ARHGEF4: variants seen among roughly 807,000 people sequenced by gnomAD.
ARHGEF4 encodes the protein Rho guanine nucleotide exchange factor 4.
ARHGEF4 carries 119 observed loss-of-function variants against 162.0 expected under a neutral mutation model. That is an observed-to-expected ratio of 0.73 (90% CI 0.63 to 0.86). The LOEUF is 0.86. Among genes scored for constraint, ARHGEF4 ranks in the 40% least tolerant of loss-of-function variants. The probability of loss-of-function intolerance (pLI) is 0.00; values close to 1 mark genes in which losing one functional copy is unlikely to be tolerated. For synonymous variants in ARHGEF4, 1,014 were observed against 979.9 expected (o/e 1.03, Z -0.65); for missense variants, 2,488 against 2,456.0 (o/e 1.01, Z -0.28).
At chr2:131,003,358 T>G (rs1228812197) in intron 4 of ARHGEF4, among the ~76,000 whole-genome samples, 1 of 152,246 alleles carries the variant, frequency 6.6e-6, no homozygotes, top group African/African-American at 2.4e-5. Context: ...TCCTGGCACA[T>G]GATGACCACT....
rs575881583 is a variant in ARHGEF4, at chr2:130,998,516, G to A, written c.3986-29429G>A. Among the ~76,000 whole-genome samples the A allele has an allele frequency of 1.6e-3, 249 of 152,180 alleles. 3 individuals are homozygous for A. Among genetic ancestry groups the A allele is most frequent in the South Asian group, 7.7e-3 (37 of 4,828 alleles). ...CCACTGATAATTTTTTCCCTTCTTCGTGGTTTTGCCTCTTCTGTAATGTCA... is the reference window on the plus strand; with the variant it reads ...CCACTGATAATTTTTTCCCTTCTTCATGGTTTTGCCTCTTCTGTAATGTCA... On this transcript the variant is annotated intron_variant, in intron 4 of 13. Transcript: ENST00000409359.
At chr2:130,932,008 C>A (rs1416663392) in intron 3 of ARHGEF4, among the ~76,000 whole-genome samples, 1 of 152,152 alleles carries the variant, frequency 6.6e-6, no homozygotes, top group African/African-American at 2.4e-5. Flanking sequence ...GCGACCACCA[C>A]CTCTGTCCAG....
At chr2:130,909,137 G>C (rs770554682) in intron 1 of ARHGEF4, among the ~76,000 whole-genome samples, 4 of 152,154 alleles carry the variant, frequency 2.6e-5, no homozygotes, top group Non-Finnish European at 5.9e-5. Context: ...CCTACCCTGT[G>C]TATCTGATAC....
rs144874753 is a variant in ARHGEF4, at chr2:130,848,537, G to C, written c.39+11545G>C. Among the ~76,000 whole-genome samples the C allele has an allele frequency of 3.8e-4, 58 of 152,288 alleles. No homozygotes were observed. In the East Asian group the frequency reaches 9.5e-3, roughly 25 times the overall value. Reference sequence around the variant, plus strand: ...GAAGCCCTCCCCACATGGGTGTGCAGGCACCTCCTGCGTGGCATTCCCAGG... The same window carrying C: ...GAAGCCCTCCCCACATGGGTGTGCACGCACCTCCTGCGTGGCATTCCCAGG... On this transcript the variant is annotated intron_variant, in intron 1 of 13. Transcript: ENST00000409359.
intron 13 of ARHGEF4, chr2:131,045,664 C>T: frequency 6.7e-7 from 1 of 1,499,360 alleles, no homozygotes; most frequent in Non-Finnish European, 8.9e-7. Flanking sequence ...CACCTTGGCT[C>T]CCCCAGATCA....
chr2:130,926,461 T>C (rs1462933484), intron 2 of ARHGEF4, among the ~76,000 whole-genome samples: 1 of 152,148 alleles, frequency 6.6e-6, no homozygotes, highest in Non-Finnish European at 1.5e-5. Flanking sequence ...GATTAATGAG[T>C]TTCTATTTTA....
rs1243821506 is a variant in ARHGEF4 at position 130,946,499 on chromosome 2, C to T, written c.3859-10C>T. ...TTCATTTGCCCTCTGTCTCTTTCCT[C>T]CTCTTCCAGTGCTGGAGAAAGACGA... is the stretch of plus-strand genomic sequence containing the variant. On this transcript the variant is annotated splice_polypyrimidine_tract_variant and intron_variant, in intron 3 of 13. Transcript: ENST00000409359. The T allele has an allele frequency of 3.7e-6, 6 of 1,604,626 alleles. No individual in the cohort carries two copies. The East Asian group carries it at 6.7e-5, about 18-fold the overall frequency.
At chr2:131,030,060 C>G (rs1210870782) in intron 5 of ARHGEF4, among the ~76,000 whole-genome samples, 1 of 152,226 alleles carries the variant, frequency 6.6e-6, no homozygotes, top group East Asian at 1.9e-4. Context: ...AGGGTGAGCT[C>G]TCAGTACATC....
At chr2:130,977,033 ATGGTGTGTGTGT>A (rs1215889571) in intron 4 of ARHGEF4, among the ~76,000 whole-genome samples, 1 of 146,458 alleles carries the variant, frequency 6.8e-6, no homozygotes, top group African/African-American at 2.6e-5. Flanking sequence ...TTAAGTGTGA[ATGGTGTGTGTGT>A]TGGTGTGTGG....
intron 1 of ARHGEF4, among the ~76,000 whole-genome samples, chr2:130,908,175 G>A (rs563308124): frequency 6.6e-6 from 1 of 152,182 alleles, no homozygotes; most frequent in Non-Finnish European, 1.5e-5. Flanking sequence ...TGGCTCCCAG[G>A]TTAGCTGTAT....
chr2:130,898,751 T>G (rs2105009147), intron 1 of ARHGEF4, among the ~76,000 whole-genome samples: 1 of 152,096 alleles, frequency 6.6e-6, no homozygotes, highest in Middle Eastern at 3.4e-3. Context: ...AGCCCACACA[T>G]TTCTCAGGAC....
intron 4 of ARHGEF4, among the ~76,000 whole-genome samples, chr2:130,968,523 G>A (rs1207052425): frequency 2.0e-5 from 3 of 152,248 alleles, no homozygotes; most frequent in African/African-American, 7.2e-5. Context: ...TCTGGGTACT[G>A]CATTGGATGC....
chr2:130,930,187 A>C (rs1682548841), intron 2 of ARHGEF4, among the ~76,000 whole-genome samples: 1 of 152,194 alleles, frequency 6.6e-6, no homozygotes, highest in Admixed American at 6.5e-5. Context: ...CAGACTTGAA[A>C]TACTTAAAAG....
chr2:130,984,380 A>C (rs759953508), intron 4 of ARHGEF4, among the ~76,000 whole-genome samples: 10 of 152,158 alleles, frequency 6.6e-5, no homozygotes, highest in Non-Finnish European at 1.2e-4. Flanking sequence ...TTGTGGCCAA[A>C]CGGTATTGCA....
At chr2:131,028,213 C>A in intron 5 of ARHGEF4, 129 bp downstream of exon 5, 2 of 1,342,930 alleles carry the variant, frequency 1.5e-6, no homozygotes, top group Non-Finnish European at 2.0e-6. Context: ...TGGCCATACA[C>A]AGCGCAGTTT....
intron 1 of ARHGEF4, among the ~76,000 whole-genome samples, chr2:130,906,997 C>T (rs1009494443): frequency 3.3e-5 from 5 of 152,096 alleles, no homozygotes; most frequent in African/African-American, 9.7e-5. Context: ...AAATTTCCCT[C>T]GTGTTGCCCT....
intron 1 of ARHGEF4, among the ~76,000 whole-genome samples, chr2:130,844,109 C>T (rs1054039276): frequency 2.6e-5 from 4 of 152,218 alleles, no homozygotes; most frequent in African/African-American, 7.2e-5. Context: ...CTGTAGGAGT[C>T]GCTGACCCCA....
At chr2:130,865,392 TG>T (rs1164853521) in intron 1 of ARHGEF4, among the ~76,000 whole-genome samples, 2 of 152,250 alleles carry the variant, frequency 1.3e-5, no homozygotes, top group African/African-American at 2.4e-5. Flanking sequence ...ATCTCTCTCC[TG>T]TTAATAATAC....
chr2:131,029,229 G>A (rs1209823431), intron 5 of ARHGEF4, among the ~76,000 whole-genome samples: 2 of 151,964 alleles, frequency 1.3e-5, no homozygotes, highest in Admixed American at 1.3e-4. Context: ...CATGGTGGCG[G>A]GCACCTGTAA....
Sources: allele counts gnomAD v4.1 joint callset (sites outside exome capture counted in the v4.1 genomes callset), GRCh38; gene constraint gnomAD v4.1.1; transcripts MANE v1.5; gene names NCBI Gene and HGNC (gene_info 2026-07-23, HGNC 2026-07-21).